The following TRAPPC9 variants were observed in gnomAD, a reference collection of about 807,000 sequenced individuals.
TRAPPC9 encodes the protein IKK2 binding protein.
In TRAPPC9, 83 loss-of-function variants were observed where a neutral mutation model predicts 124.0. That is an observed-to-expected ratio of 0.67 (90% CI 0.56 to 0.80). The LOEUF (loss-of-function observed/expected upper bound fraction) is 0.80, where lower values mean the gene tolerates loss of function less well. TRAPPC9 is among the 30% of genes least tolerant of loss of function. The probability of loss-of-function intolerance (pLI) is 0.00; values close to 1 mark genes in which losing one functional copy is unlikely to be tolerated. For synonymous variants in TRAPPC9, 638 were observed against 617.5 expected (o/e 1.03, Z -0.49); for missense variants, 1,302 against 1,508.3 (o/e 0.86, Z 2.27).
chr8:139,996,158 CAAAAAAAAAAA>C lies in TRAPPC9; in HGVS notation c.2700-7333_2700-7323del. On this transcript the variant is annotated intron_variant, in intron 18 of 22. Transcript: ENST00000438773. ...AAAAAAAGAACCAGAAAAACTTAAG[CAAAAAAAAAAA>C]AAAAAAAAAAAAAGAAAGGAAAGAA... 4.0e-3 allele frequency among the ~76,000 whole-genome samples: 77 copies of C among 19,434 alleles called. 2 individuals carry two copies. In the South Asian group the frequency reaches 0.18, roughly 45 times the overall value. The allele number at this position is 19,434 out of a possible 152,430, so 12.7% of individuals were successfully genotyped here.
chr8:139,964,139 G>A (rs1299528143), intron 19 of TRAPPC9, among the ~76,000 whole-genome samples: 1 of 148,204 alleles, frequency 6.7e-6, no homozygotes, highest in Non-Finnish European at 1.5e-5. Flanking sequence ...CAGGAGAATG[G>A]CATGAACCTG....
intron 17 of TRAPPC9, among the ~76,000 whole-genome samples, chr8:140,037,818 C>T (rs1394833732): frequency 6.9e-6 from 1 of 145,332 alleles, no homozygotes; most frequent in Non-Finnish European, 1.5e-5. Context: ...CACACAGATA[C>T]ACACATACCC....
At chr8:140,118,319 C>T (rs1005611689) in intron 17 of TRAPPC9, among the ~76,000 whole-genome samples, 11 of 152,204 alleles carry the variant, frequency 7.2e-5, no homozygotes, top group South Asian at 2.1e-4. Context: ...ATATAGGTAG[C>T]GCCTGCCATT....
chr8:140,195,016 T>C (rs557960201), intron 17 of TRAPPC9, among the ~76,000 whole-genome samples: 15 of 152,176 alleles, frequency 9.9e-5, no homozygotes, highest in African/African-American at 3.4e-4. Flanking sequence ...AGATCACACC[T>C]GTGACACTAA....
chr8:140,398,388 A>G (rs2069156549), intron 6 of TRAPPC9, among the ~76,000 whole-genome samples: 2 of 152,208 alleles, frequency 1.3e-5, no homozygotes, highest in Admixed American at 1.3e-4. Flanking sequence ...GAAAGTTTGG[A>G]ACTTCCTAGA....
chr8:140,285,087 G>A (rs982382175), intron 13 of TRAPPC9, among the ~76,000 whole-genome samples: 6 of 152,120 alleles, frequency 3.9e-5, no homozygotes. Context: ...AAAGTCTGAG[G>A]ACAAATAGCA....
intron 17 of TRAPPC9, among the ~76,000 whole-genome samples, chr8:140,112,555 G>A (rs948677018): frequency 2.6e-5 from 4 of 152,200 alleles, no homozygotes; most frequent in African/African-American, 9.7e-5. Context: ...CAGGCACCAG[G>A]CTGGACGCTG....
chr8:140,075,564 A>G (rs1165470139), intron 17 of TRAPPC9, among the ~76,000 whole-genome samples: 7 of 152,218 alleles, frequency 4.6e-5, no homozygotes, highest in Non-Finnish European at 8.8e-5. Flanking sequence ...CTGCCGCCAT[A>G]TAAGTAGCTA....
chr8:140,210,894 G>A (rs1050626519), intron 17 of TRAPPC9, among the ~76,000 whole-genome samples: 2 of 152,164 alleles, frequency 1.3e-5, no homozygotes, highest in African/African-American at 2.4e-5. Flanking sequence ...TGTTTTCCTC[G>A]CCGCTGATGG....
chr8:140,086,571 C>T (rs1256765930), intron 17 of TRAPPC9, among the ~76,000 whole-genome samples: 1 of 152,174 alleles, frequency 6.6e-6, no homozygotes, highest in Non-Finnish European at 1.5e-5. Context: ...CCGTCTCTTC[C>T]ACTGTTCAAT....
intron 21 of TRAPPC9, among the ~76,000 whole-genome samples, chr8:139,734,865 C>T (rs543788679): frequency 1.1e-4 from 16 of 152,378 alleles, no homozygotes; most frequent in Non-Finnish European, 2.2e-4. Flanking sequence ...TCAGGGAAGG[C>T]TTCCTGGAGG....
At chr8:140,437,102 T>C (rs959136568) in intron 3 of TRAPPC9, among the ~76,000 whole-genome samples, 13 of 152,134 alleles carry the variant, frequency 8.5e-5, no homozygotes, top group Non-Finnish European at 1.9e-4. Flanking sequence ...TAGCTGGGAC[T>C]ACAGGCACAG....
intron 17 of TRAPPC9, among the ~76,000 whole-genome samples, chr8:140,054,631 A>C (rs1356088340): frequency 2.0e-5 from 3 of 152,184 alleles, no homozygotes; most frequent in African/African-American, 7.2e-5. Context: ...AAAAGCTAAA[A>C]TTGACAAGCC....
At chr8:140,212,107 G>A (rs1281176635) in intron 17 of TRAPPC9, among the ~76,000 whole-genome samples, 2 of 152,228 alleles carry the variant, frequency 1.3e-5, no homozygotes, top group Non-Finnish European at 2.9e-5. Flanking sequence ...CAAAGAGCCT[G>A]CGCTCAGGAC....
At chr8:140,007,156 A>G (rs1838812956) in intron 18 of TRAPPC9, among the ~76,000 whole-genome samples, 1 of 152,216 alleles carries the variant, frequency 6.6e-6, no homozygotes, top group Non-Finnish European at 1.5e-5. Flanking sequence ...TTGTTGAACA[A>G]ACAGTTGAAA....
intron 8 of TRAPPC9, among the ~76,000 whole-genome samples, chr8:140,364,614 G>A (rs754954199): frequency 1.6e-4 from 25 of 151,794 alleles, no homozygotes; most frequent in Non-Finnish European, 2.4e-4. Flanking sequence ...ACGGAGTCTC[G>A]CTGTCACCCA....
At chr8:139,799,901 G>T (rs545248920) in intron 21 of TRAPPC9, among the ~76,000 whole-genome samples, 10 of 152,312 alleles carry the variant, frequency 6.6e-5, no homozygotes, top group African/African-American at 2.2e-4. Context: ...TTCTCAGGCC[G>T]ATGGGGAAAG....
Position 140,015,205 on chromosome 8 carries a change from TG to T in TRAPPC9, c.2699+8731del, listed in dbSNP as rs113232741. On this transcript the variant is annotated intron_variant, in intron 18 of 22. Transcript: ENST00000438773. ...ATGTGGCCATCTTCATTGTCCATGC[TG>T]CAGTGGCCTGGAAGCCAGGACATCT... Among the ~76,000 whole-genome samples, 750 of 152,336 alleles carry T rather than the reference TG, an allele frequency of 4.9e-3. 6 individuals are homozygous for T. The highest frequency in any genetic ancestry group is 0.017 in the African/African-American group (708 of 41,574).
At chr8:139,921,597 G>C (rs994956492) in intron 19 of TRAPPC9, among the ~76,000 whole-genome samples, 3 of 152,130 alleles carry the variant, frequency 2.0e-5, no homozygotes, top group Non-Finnish European at 2.9e-5. Flanking sequence ...ACACAGTAAG[G>C]GGAGCTGGCA....
Sources: allele counts gnomAD v4.1 joint callset (sites outside exome capture counted in the v4.1 genomes callset), GRCh38; gene constraint gnomAD v4.1.1; transcripts MANE v1.5; gene names NCBI Gene and HGNC (gene_info 2026-07-23, HGNC 2026-07-21).